ZNF385D: variants seen among roughly 807,000 people sequenced by gnomAD.
ZNF385D encodes the protein zinc finger protein 659.
Under a neutral mutation model 35.8 loss-of-function variants are expected in ZNF385D, and 15 were observed. The observed-to-expected ratio is 0.42, with a 90% CI of 0.28 to 0.64. The LOEUF (loss-of-function observed/expected upper bound fraction) is 0.64. Among genes scored for constraint, ZNF385D ranks in the 30% least tolerant of loss-of-function variants. The probability of loss-of-function intolerance (pLI) is 0.23; values close to 1 mark genes in which losing one functional copy is unlikely to be tolerated. For missense variants in ZNF385D, 474 were observed against 494.6 expected (o/e 0.96, Z 0.39); for synonymous variants, 212 against 186.8 (o/e 1.13, Z -1.10).
intron 3 of ZNF385D, among the ~76,000 whole-genome samples, chr3:22,130,490 G>A (rs1314839590): frequency 1.3e-5 from 2 of 152,148 alleles, no homozygotes; most frequent in South Asian, 4.1e-4. Flanking sequence ...TGGGACGGAT[G>A]ATTTCCCCTT....
intron 1 of ZNF385D, among the ~76,000 whole-genome samples, chr3:21,712,943 T>C (rs2068170077): frequency 6.6e-6 from 1 of 152,172 alleles, no homozygotes; most frequent in Admixed American, 6.5e-5. Flanking sequence ...CACACACAAA[T>C]ACACATGCAC....
intron 3 of ZNF385D, among the ~76,000 whole-genome samples, chr3:22,036,781 A>C (rs1698352095): frequency 6.7e-6 from 1 of 149,174 alleles, no homozygotes; most frequent in East Asian, 2.0e-4. Context: ...CTACATATGT[A>C]TACATGTGCC....
At chr3:21,439,200 A>G (rs997576035) in intron 4 of ZNF385D, among the ~76,000 whole-genome samples, 13 of 151,836 alleles carry the variant, frequency 8.6e-5, no homozygotes, top group African/African-American at 2.9e-4. Flanking sequence ...AAAATGAGAA[A>G]ACTCTAGAAG....
intron 2 of ZNF385D, among the ~76,000 whole-genome samples, chr3:22,321,622 C>T (rs1041867710): frequency 3.9e-5 from 6 of 152,112 alleles, no homozygotes; most frequent in Non-Finnish European, 8.8e-5. Context: ...ACCTCGGCCT[C>T]CCAAAGTGCT....
intron 3 of ZNF385D, among the ~76,000 whole-genome samples, chr3:21,827,910 G>A (rs540130522): frequency 6.6e-6 from 1 of 152,088 alleles, no homozygotes; most frequent in Non-Finnish European, 1.5e-5. Flanking sequence ...GTTGGTAGAG[G>A]GCTTAACATA....
At chr3:21,550,217 C>T (rs552683716) in intron 3 of ZNF385D, among the ~76,000 whole-genome samples, 5 of 152,080 alleles carry the variant, frequency 3.3e-5, no homozygotes, top group African/African-American at 4.8e-5. Flanking sequence ...TTTGTTTTTC[C>T]CACAGCTAAA....
chr3:21,676,583 T>C (rs945514306), intron 1 of ZNF385D, among the ~76,000 whole-genome samples: 2 of 152,088 alleles, frequency 1.3e-5, no homozygotes, highest in Admixed American at 6.6e-5. Context: ...AGGAGTCCTG[T>C]CCCTTTGAGC....
intron 2 of ZNF385D, among the ~76,000 whole-genome samples, chr3:22,286,590 G>T (rs1291860192): frequency 6.6e-6 from 1 of 152,076 alleles, no homozygotes; most frequent in Non-Finnish European, 1.5e-5. Context: ...AAGGCGATAT[G>T]TGGTGTTTTC....
At chr3:22,191,690 T>A (rs965294422) in intron 2 of ZNF385D, among the ~76,000 whole-genome samples, 13 of 152,100 alleles carry the variant, frequency 8.5e-5, no homozygotes, top group African/African-American at 3.1e-4. Context: ...ACTAACACAA[T>A]GTGTAGTACT....
chr3:22,222,933 C>T (rs559120673), intron 2 of ZNF385D, among the ~76,000 whole-genome samples: 1 of 152,124 alleles, frequency 6.6e-6, no homozygotes, highest in South Asian at 2.1e-4. Flanking sequence ...TATTGATATT[C>T]AGTTTTTGTG....
chr3:21,603,813 G>T (rs1227991384), intron 2 of ZNF385D, among the ~76,000 whole-genome samples: 1 of 152,118 alleles, frequency 6.6e-6, no homozygotes, highest in East Asian at 1.9e-4. Context: ...TGTAAATAGG[G>T]TTTCAGTAGG....
At chr3:21,860,223 G>A (rs1696974073) in intron 3 of ZNF385D, among the ~76,000 whole-genome samples, 1 of 152,060 alleles carries the variant, frequency 6.6e-6, no homozygotes. Context: ...AGATATTAAT[G>A]TTTTCAGTTT....
At chr3:21,658,790 G>A (rs12497214) in intron 2 of ZNF385D, among the ~76,000 whole-genome samples, 66,123 of 151,672 alleles carry the variant, frequency 0.44, 15,901 homozygotes, top group Non-Finnish European at 0.54. Flanking sequence ...TTGAACTCAG[G>A]TAGCATTTAC....
chr3:21,636,378 T>TATATATATA (rs2065437484), intron 2 of ZNF385D, among the ~76,000 whole-genome samples: 10 of 47,996 alleles, frequency 2.1e-4, no homozygotes, highest in African/African-American at 8.1e-4. Flanking sequence ...ATATATATGA[T>TATATATATA]TATATATATA....
intron 3 of ZNF385D, among the ~76,000 whole-genome samples, chr3:22,059,498 A>G (rs969135964): frequency 9.2e-5 from 14 of 152,204 alleles, no homozygotes; most frequent in Admixed American, 5.9e-4. Flanking sequence ...GCGATGAGTG[A>G]CAGACGTATC....
intron 3 of ZNF385D, among the ~76,000 whole-genome samples, chr3:21,855,550 G>A (rs1483370629): frequency 6.6e-6 from 1 of 151,878 alleles, no homozygotes; most frequent in Non-Finnish European, 1.5e-5. Context: ...GCATTAATCA[G>A]AATCCATTAA....
In ZNF385D at chr3:22,202,234, C is replaced by T. The variant is rs754315826; in HGVS notation, c.107-33199G>A. Among the ~76,000 whole-genome samples, 18 of 152,020 alleles carry T rather than the reference C, an allele frequency of 1.2e-4. 1 individual carries two copies. Among genetic ancestry groups the T allele is most frequent in the Admixed American group, 9.2e-4 (14 of 15,230 alleles). ...CACTTAAGAAAGCTCATAGAAGAAC[C>T]TATCAATAAGCTTTATTTGTTTCTG... is the stretch of plus-strand genomic sequence containing the variant. On this transcript the variant is annotated intron_variant, in intron 2 of 5. Coordinates refer to the ZNF385D transcript ENST00000494108.
At chr3:21,540,362 G>C (rs1009404348) in intron 3 of ZNF385D, among the ~76,000 whole-genome samples, 1 of 152,170 alleles carries the variant, frequency 6.6e-6, no homozygotes, top group Non-Finnish European at 1.5e-5. Context: ...CAAAAGCCTT[G>C]AAGGAAAATG....
At chr3:21,840,471 G>C (rs532234414) in intron 3 of ZNF385D, among the ~76,000 whole-genome samples, 97 of 152,088 alleles carry the variant, frequency 6.4e-4, no homozygotes, top group African/African-American at 2.2e-3. Flanking sequence ...CTTTTGTCTA[G>C]TTGAATAGTG....
Sources: gnomAD v4.1 joint callset for allele counts (sites outside exome capture counted in the v4.1 genomes callset) on GRCh38, gnomAD v4.1.1 for gene constraint, MANE v1.5 for transcripts, NCBI Gene and HGNC (gene_info 2026-07-23, HGNC 2026-07-21) for gene names.